The following LRRC37A2 variants were observed in gnomAD, a reference collection of about 807,000 sequenced individuals.
LRRC37A2 encodes leucine rich repeat containing 37 member A2, also known as leucine-rich repeat-containing protein 37A2.
A neutral mutation model predicts 68.8 loss-of-function variants in LRRC37A2; 9 were observed. The observed-to-expected ratio is 0.13, with a 90% confidence interval of 0.08 to 0.23. The LOEUF (loss-of-function observed/expected upper bound fraction) is 0.23, where lower values mean the gene tolerates loss of function less well. LRRC37A2 is among the 10% of genes least tolerant of loss of function. The pLI, the probability that LRRC37A2 is intolerant of heterozygous loss-of-function variation, is 1.00. For missense variants in LRRC37A2, 168 were observed against 950.4 expected (o/e 0.18, Z 10.82); for synonymous variants, 63 against 367.6 (o/e 0.17, Z 9.48).
At chr17:46,948,318 G>A in the LRRC37A2 span, among the ~76,000 whole-genome samples, 3 of 152,208 alleles carry the variant, frequency 2.0e-5, no homozygotes, top group African/African-American at 7.2e-5. Context: ...TGGTAACTGA[G>A]GTTTTGTTGT....
chr17:46,493,838 CTT>C, the LRRC37A2 span, among the ~76,000 whole-genome samples: 12 of 149,350 alleles, frequency 8.0e-5, 1 homozygote, highest in African/African-American at 3.1e-4. Flanking sequence ...CACCAGGCCT[CTT>C]TTATTTTTTT....
At chr17:47,014,854 C>T in the LRRC37A2 span, among the ~76,000 whole-genome samples, 1 of 152,010 alleles carries the variant, frequency 6.6e-6, no homozygotes, top group African/African-American at 2.4e-5. Context: ...TCCCACGTAT[C>T]TTGGGTGGAA....
At chr17:46,758,090 C>T in the LRRC37A2 span, among the ~76,000 whole-genome samples, 1 of 152,216 alleles carries the variant, frequency 6.6e-6, no homozygotes, top group Non-Finnish European at 1.5e-5. Flanking sequence ...TAGAATTACT[C>T]CTTTCTGTGA....
chr17:46,534,683 C>A (rs1352431571), intron 6 of LRRC37A2, among the ~76,000 whole-genome samples: 1 of 149,932 alleles, frequency 6.7e-6, no homozygotes, highest in African/African-American at 2.5e-5. Context: ...CCATCGTCAT[C>A]ATGGCCCGTT....
the LRRC37A2 span, chr17:46,938,944 G>T: frequency 1.3e-6 from 2 of 1,493,532 alleles, no homozygotes; most frequent in Non-Finnish European, 1.8e-6. Context: ...CTTGGAGGGG[G>T]AGCTAGTGCC....
At chr17:46,966,567 C>G in the LRRC37A2 span, 1 of 694,568 alleles carries the variant, frequency 1.4e-6, no homozygotes, top group Non-Finnish European at 2.6e-6. Context: ...CAGAATGGAC[C>G]CGAACTCCTG....
chr17:46,914,994 C>T, the LRRC37A2 span, among the ~76,000 whole-genome samples: 4 of 152,226 alleles, frequency 2.6e-5, no homozygotes, highest in Non-Finnish European at 4.4e-5. Context: ...ACCCTCTCAT[C>T]CCAACTACAT....
the LRRC37A2 span, among the ~76,000 whole-genome samples, chr17:46,783,345 C>G: frequency 6.6e-6 from 1 of 152,228 alleles, no homozygotes; most frequent in Non-Finnish European, 1.5e-5. Context: ...CTTCAGAGAG[C>G]AGGTTGAAGT....
the LRRC37A2 span, among the ~76,000 whole-genome samples, chr17:46,974,848 A>G: frequency 6.6e-6 from 1 of 152,132 alleles, no homozygotes; most frequent in Non-Finnish European, 1.5e-5. Context: ...TCATCTGTAC[A>G]ATGGGAGGAG....
chr17:46,844,288 G>C, the LRRC37A2 span, among the ~76,000 whole-genome samples: 3 of 147,678 alleles, frequency 2.0e-5, no homozygotes, highest in Non-Finnish European at 4.4e-5. Context: ...AATATGCAGT[G>C]AGGTGGAGTT....
chr17:46,845,571 C>A, the LRRC37A2 span, among the ~76,000 whole-genome samples: 13 of 147,998 alleles, frequency 8.8e-5, no homozygotes, highest in African/African-American at 3.3e-4. Context: ...CTCACTGCAA[C>A]CTCTGCCTCC....
At chr17:46,952,963 A>G in the LRRC37A2 span, 1 of 152,136 alleles carries the variant, frequency 6.6e-6, no homozygotes, top group Non-Finnish European at 1.5e-5. Flanking sequence ...GCTCGATGCA[A>G]AGCTGGCACA....
chr17:46,838,246 T>G, the LRRC37A2 span, among the ~76,000 whole-genome samples: 2 of 143,596 alleles, frequency 1.4e-5, no homozygotes, highest in African/African-American at 2.6e-5. Flanking sequence ...GGTGGTAAGG[T>G]GGGGAGGGAA....
At chr17:46,781,232 CAAA>C in the LRRC37A2 span, among the ~76,000 whole-genome samples, 6 of 143,936 alleles carry the variant, frequency 4.2e-5, no homozygotes, top group African/African-American at 7.7e-5. Flanking sequence ...TCCCCCCAAC[CAAA>C]AAAAAAAAAA....
the LRRC37A2 span, among the ~76,000 whole-genome samples, chr17:46,969,400 A>G: frequency 7.2e-5 from 11 of 152,178 alleles, no homozygotes; most frequent in South Asian, 1.0e-3. Flanking sequence ...GAAAGGAGGC[A>G]GCCTTCAAAT....
At chr17:46,804,707 G>A in the LRRC37A2 span, among the ~76,000 whole-genome samples, 116 of 152,324 alleles carry the variant, frequency 7.6e-4, no homozygotes, top group African/African-American at 2.7e-3. Flanking sequence ...AGGCCAGCCG[G>A]ACTTCCTGGG....
At chr17:46,986,502 GA>G in the LRRC37A2 span, among the ~76,000 whole-genome samples, 1 of 152,144 alleles carries the variant, frequency 6.6e-6, no homozygotes, top group African/African-American at 2.4e-5. Context: ...TTCCCGAGTA[GA>G]AAAAACAAGC....
At chr17:46,545,234 C>G (rs1226974199) in intron 8 of LRRC37A2, among the ~76,000 whole-genome samples, 2 of 140,084 alleles carry the variant, frequency 1.4e-5, no homozygotes, top group African/African-American at 6.0e-5. Flanking sequence ...GAGTTCTACA[C>G]CAGCCTGAGC....
chr17:46,818,436 G>A, the LRRC37A2 span: 9 of 1,401,726 alleles, frequency 6.4e-6, no homozygotes, highest in Non-Finnish European at 8.9e-6. Flanking sequence ...GCCCTGCAGC[G>A]GCCCACCCCC....
Sources: gnomAD v4.1 joint callset for allele counts (sites outside exome capture counted in the v4.1 genomes callset) on GRCh38, gnomAD v4.1.1 for gene constraint, MANE v1.5 for transcripts, NCBI Gene and HGNC (gene_info 2026-07-23, HGNC 2026-07-21) for gene names.